LRRC43: variants seen among roughly 807,000 people sequenced by gnomAD.
The protein encoded by LRRC43 is leucine-rich repeat-containing protein 43.
A neutral mutation model predicts 64.3 loss-of-function variants in LRRC43; 62 were observed. That is an observed-to-expected ratio of 0.96 (90% CI 0.79 to 1.19). LRRC43 has a LOEUF of 1.19. Ranked by LOEUF, LRRC43 falls within the 50% of genes most tolerant of loss-of-function variation. The probability of loss-of-function intolerance (pLI) is 0.00; values close to 1 mark genes in which losing one functional copy is unlikely to be tolerated. For missense variants in LRRC43, 868 were observed against 845.0 expected, an observed-to-expected ratio of 1.03 and a Z score of -0.34; for synonymous variants, 422 against 382.3, an observed-to-expected ratio of 1.10 and a Z score of -1.21.
chr12:122,173,055 C>T (rs186679426), intron 1 of LRRC43, among the ~76,000 whole-genome samples: 3 of 152,254 alleles, frequency 2.0e-5, no homozygotes, highest in African/African-American at 7.2e-5. Context: ...GGCAGCTCCC[C>T]GCCCTTTGGG....
chr12:122,189,373 C>T (rs1953686513), intron 4 of LRRC43: 1 of 455,072 alleles, frequency 2.2e-6, no homozygotes, highest in Non-Finnish European at 4.4e-6. Context: ...CCTCTCTGAC[C>T]CTGGTTTCCT....
Position 122,200,495 on chromosome 12 carries a change from G to A in LRRC43, c.1492-37G>A. On this transcript the variant is annotated intron_variant, in intron 8 of 11. Coordinates refer to ENST00000339777, the MANE Select transcript of LRRC43 (RefSeq NM_001098519.2). This position sits in a 1 kb window ranked among gnomAD's most constrained non-coding sequence, Gnocchi z 4.6. ...GAGGTGACCCCAGGCAGCCCGCCTG[G>A]GCCTCTGCTCACTCGAGGATTCTCT... The A allele has an allele frequency of 6.2e-7, 1 of 1,613,868 alleles. No homozygotes were observed. The highest frequency in any genetic ancestry group is 1.3e-5 in the African/African-American group (1 of 75,004).
intron 1 of LRRC43, chr12:122,172,876 G>C: frequency 1.4e-6 from 1 of 726,274 alleles, no homozygotes; most frequent in Non-Finnish European, 2.3e-6. Context: ...ACCCTATGAG[G>C]CTGTGCCATC....
At chr12:122,199,681 T>C (rs913766504) in intron 7 of LRRC43, among the ~76,000 whole-genome samples, 2 of 151,720 alleles carry the variant, frequency 1.3e-5, no homozygotes, top group Non-Finnish European at 2.9e-5. Context: ...CTTCCTGGGC[T>C]CAAGCAATCC....
chr12:122,183,063 C>T, upstream of LRRC43: 2 of 1,471,738 alleles, frequency 1.4e-6, no homozygotes, highest in South Asian at 2.6e-5. Flanking sequence ...GGACTTTTCC[C>T]TCGGGGCAGG....
intron 1 of LRRC43, among the ~76,000 whole-genome samples, chr12:122,183,627 A>G (rs1360983947): frequency 6.6e-6 from 1 of 152,194 alleles, no homozygotes; most frequent in Non-Finnish European, 1.5e-5. Context: ...AACTTTTCCC[A>G]GCCTCCGAGC....
Position 122,190,298 on chromosome 12 carries a change from C to A in LRRC43, c.831C>A (p.Leu277=). ...RGLTIDSLAQ[L]CVLDDITVSP... ...TCACCATCGACAGCCTGGCCCAGCTCTGCGTGCTGGACGACATCACCGTGT... is the reference window on the plus strand; with the variant it reads ...TCACCATCGACAGCCTGGCCCAGCTATGCGTGCTGGACGACATCACCGTGT... The change falls in exon 5 of 12, where the codon CTC becomes CTA. Residue 277 remains leucine (L), a synonymous_variant. Transcript: ENST00000339777. 1 of 1,614,158 alleles carries A rather than the reference C, an allele frequency of 6.2e-7. No individual in the cohort carries two copies. Among genetic ancestry groups the A allele is most frequent in the Non-Finnish European group, 8.5e-7 (1 of 1,180,028 alleles).
intron 1 of LRRC43, chr12:122,174,340 C>A: frequency 1.3e-6 from 1 of 775,322 alleles, no homozygotes; most frequent in South Asian, 1.7e-5. Context: ...CTCAAAAGTT[C>A]TACTGGCCAC....
chr12:122,201,460 C>A, intron 11 of LRRC43, 131 bp downstream of exon 11: 1 of 772,166 alleles, frequency 1.3e-6, no homozygotes, highest in Non-Finnish European at 2.3e-6. Context: ...GCCACATCCC[C>A]CCTTAGATCC....
rs993920383 is a variant in LRRC43, at chr12:122,203,388, C to T, written c.1917C>T (p.Ile639=). The T allele has an allele frequency of 9.3e-6, 15 of 1,613,088 alleles. No homozygotes were observed. Among genetic ancestry groups the T allele is most frequent in the Non-Finnish European group, 1.2e-5 (14 of 1,179,822 alleles). ...AGCCCCTGACCGTAGAGGTGCAGAT[C>T]CAGCTGAACCAGTGCCGCTCGGCGG... ...HPEPLTVEVQ[I]QLNQCRSAEE... Residue 639 remains isoleucine (I), a synonymous_variant, in exon 12 of 12, where the codon ATC becomes ATT. Coordinates refer to ENST00000339777, the MANE Select transcript of LRRC43 (RefSeq NM_001098519.2).
chr12:122,184,861 G>A lies in LRRC43; in HGVS notation c.411+82G>A, dbSNP rs1405265673. On this transcript the variant is annotated intron_variant, in intron 2 of 11. Transcript: ENST00000339777. This position sits in a 1 kb window ranked among gnomAD's most constrained non-coding sequence, Gnocchi z 4.0. ...TGTGGGGAGGGCACCCTTCCCCACA[G>A]CGCGTCAGGGATCCTGCTTTCAGGG... 2.8e-6 allele frequency: 4 copies of A among 1,429,520 alleles called. No homozygotes were observed. The highest frequency in any genetic ancestry group is 1.3e-5 in the South Asian group (1 of 78,044). The allele number at this position is 1,429,520 out of a possible 1,614,324, so 88.6% of individuals were successfully genotyped here.
At chr12:122,175,494 T>C (rs1222348197) in intron 1 of LRRC43, among the ~76,000 whole-genome samples, 1 of 147,558 alleles carries the variant, frequency 6.8e-6, no homozygotes, top group Non-Finnish European at 1.5e-5. Flanking sequence ...TTCATTAGCT[T>C]TCTTTTTCTT....
chr12:122,184,771 G>C lies in LRRC43; in HGVS notation c.403G>C (p.Asp135His), dbSNP rs781609921. 1.9e-6 allele frequency: 3 copies of C among 1,601,230 alleles called. No homozygotes were observed. In the South Asian group the frequency reaches 3.4e-5, roughly 18 times the overall value. ...YSYFRSLRVI[D>H]KKVTLVDKDL... ...CTACTTCCGGTCCCTGCGGGTAATA[G>C]ACAAGAAGGTCAGTGCTGGGCACGT... is the stretch of plus-strand genomic sequence containing the variant. Residue 135 changes from aspartate to histidine, a missense_variant, in exon 2 of 12, where the codon GAC becomes CAC. By Grantham distance (81) the Asp-to-His change is moderately conservative. Transcript: ENST00000339777. This position sits in a 1 kb window ranked among gnomAD's most constrained non-coding sequence, Gnocchi z 4.0.
chr12:122,196,793 T>C (rs1011564645), intron 7 of LRRC43, among the ~76,000 whole-genome samples: 1 of 151,982 alleles, frequency 6.6e-6, no homozygotes, highest in African/African-American at 2.4e-5. Flanking sequence ...ATTTGGGCAC[T>C]TACCTTTTCA....
intron 1 of LRRC43, among the ~76,000 whole-genome samples, chr12:122,176,062 C>T (rs762699122): frequency 1.3e-5 from 2 of 152,146 alleles, no homozygotes; most frequent in East Asian, 1.9e-4. Context: ...CTTGTGGGCC[C>T]GTCATTGCTG....
rs139898079 is a variant in LRRC43, at chr12:122,174,565, A to G, written c.-406+6783A>G. ...AGGAGCGGGTGACTTCCAGGAGTTCAAGGCCAGCGGCCACAGGGAATTTCT... is the reference window on the plus strand; with the variant it reads ...AGGAGCGGGTGACTTCCAGGAGTTCGAGGCCAGCGGCCACAGGGAATTTCT... On this transcript the variant is annotated intron_variant, in intron 1 of 5. Coordinates refer to the LRRC43 transcript ENST00000537729. Among the ~76,000 whole-genome samples, 1,089 of 152,338 alleles carry G rather than the reference A, an allele frequency of 7.1e-3. 12 individuals carry two copies. Among genetic ancestry groups the G allele is most frequent in the African/African-American group, 0.025 (1,039 of 41,576 alleles).
At chr12:122,174,281 G>A in intron 1 of LRRC43, 1 of 1,306,094 alleles carries the variant, frequency 7.7e-7, no homozygotes, top group Non-Finnish European at 1.1e-6. Flanking sequence ...AGAGCAGTCA[G>A]CGTCCCGCCC....
intron 4 of LRRC43, among the ~76,000 whole-genome samples, chr12:122,189,802 C>T (rs1953692948): frequency 6.6e-6 from 1 of 152,254 alleles, no homozygotes; most frequent in African/African-American, 2.4e-5. Context: ...ACTATTTGTG[C>T]AGAGCCTCCT....
At chr12:122,173,814 G>A (rs369375751) in intron 1 of LRRC43, 16 of 1,599,452 alleles carry the variant, frequency 1.0e-5, no homozygotes, top group South Asian at 2.2e-5. Context: ...TTAAGAAATC[G>A]TTTAGAAAAG....
Sources: allele counts gnomAD v4.1 joint callset (sites outside exome capture counted in the v4.1 genomes callset), GRCh38; gene constraint gnomAD v4.1.1; non-coding constraint Gnocchi (gnomAD v3.1); transcripts MANE v1.5; gene names NCBI Gene and HGNC (gene_info 2026-07-23, HGNC 2026-07-21).